The following PRKN variants were observed in gnomAD, a reference collection of about 807,000 sequenced individuals.
The protein encoded by PRKN is E3 ubiquitin-protein ligase parkin.
Under a neutral mutation model 59.5 loss-of-function variants are expected in PRKN, and 56 were observed. The observed-to-expected ratio is 0.94, with a 90% CI of 0.76 to 1.18. PRKN has a LOEUF of 1.18. PRKN is among the 50% of genes most tolerant of loss of function. The probability of loss-of-function intolerance (pLI) is 0.00; values close to 1 mark genes in which losing one functional copy is unlikely to be tolerated. For synonymous variants in PRKN, 250 were observed against 222.1 expected (o/e 1.13, Z -1.12); for missense variants, 657 against 596.4 (o/e 1.10, Z -1.06).
intron 1 of PRKN, among the ~76,000 whole-genome samples, chr6:162,555,638 A>AC (rs1368578155): frequency 1.3e-5 from 2 of 151,836 alleles, no homozygotes; most frequent in Non-Finnish European, 2.9e-5. Context: ...AAAAATACAA[A>AC]AAAAAAATTT....
chr6:162,154,648 A>T (rs1562545696), intron 4 of PRKN, among the ~76,000 whole-genome samples: 1 of 152,320 alleles, frequency 6.6e-6, no homozygotes, highest in East Asian at 1.9e-4. Context: ...ACTAGTCACT[A>T]CCATTAAATT....
At chr6:162,533,895 C>A (rs1368586326) in intron 1 of PRKN, among the ~76,000 whole-genome samples, 1 of 148,768 alleles carries the variant, frequency 6.7e-6, no homozygotes, top group Admixed American at 6.8e-5. Context: ...CACTTGAACC[C>A]AGGAGGCAGA....
rs1562459087 is a variant in PRKN, at chr6:162,011,453, TAATA to T, written c.619-38040_619-38037del. On this transcript the variant is annotated intron_variant, in intron 5 of 11. Transcript: ENST00000366898. ...ATATATGTTATATATTTATAATATATAATATATATATTATAATATATAATATATT... is the reference window on the plus strand; with the variant it reads ...ATATATGTTATATATTTATAATATATTATATATTATAATATATAATATATT... 2.9e-4 allele frequency among the ~76,000 whole-genome samples: 6 copies of T among 20,930 alleles called. 2 individuals carry two copies. In the African/African-American group the frequency reaches 3.9e-3, roughly 14 times the overall value. The allele number at this position is 20,930 out of a possible 152,430, so 13.7% of individuals were successfully genotyped here.
At chr6:161,931,638 G>T (rs1475303182) in intron 6 of PRKN, among the ~76,000 whole-genome samples, 1 of 152,160 alleles carries the variant, frequency 6.6e-6, no homozygotes, top group Non-Finnish European at 1.5e-5. Context: ...TCCTGAGAAA[G>T]ACAGGGGCAC....
Position 162,216,747 on chromosome 6 carries a change from C to T in PRKN, c.413-15495G>A, listed in dbSNP as rs184764431. Among the ~76,000 whole-genome samples, 14 of 152,082 alleles carry T rather than the reference C, an allele frequency of 9.2e-5. 3 individuals are homozygous for T. In the South Asian group the frequency reaches 1.2e-3, roughly 14 times the overall value. ...GGACACTTTGATGAACAGCCACTCA[C>T]GGACACAGTGAGCCCATCATGAGAT... On this transcript the variant is annotated intron_variant, in intron 3 of 11. Coordinates refer to ENST00000366898, the MANE Select transcript of PRKN (RefSeq NM_004562.3).
chr6:161,529,142 T>C lies in PRKN; in HGVS notation c.1083+19712A>G, dbSNP rs191031411. On this transcript the variant is annotated intron_variant, in intron 9 of 11. Coordinates refer to ENST00000366898, the MANE Select transcript of PRKN (RefSeq NM_004562.3). The surrounding 1 kb of genome is among the most constrained non-coding windows in gnomAD (Gnocchi z 4.4). The stretch of plus-strand genomic sequence containing the variant: ...CTCTACGCTGCGTTCCTCTCCCTAG[T>C]CACCGCATGCCTTCCTGTTCCAGTG... Among the ~76,000 whole-genome samples, 286 of 152,336 alleles carry C rather than the reference T, an allele frequency of 1.9e-3. 2 individuals are homozygous for C. Among genetic ancestry groups the C allele is most frequent in the Non-Finnish European group, 5.6e-4 (38 of 68,026 alleles).
chr6:161,500,955 A>C (rs1489113857), intron 9 of PRKN, among the ~76,000 whole-genome samples: 3 of 144,062 alleles, frequency 2.1e-5, no homozygotes, highest in East Asian at 2.0e-4. Flanking sequence ...GGCTCACTGC[A>C]ACCTCCGCCT....
intron 7 of PRKN, among the ~76,000 whole-genome samples, chr6:161,682,673 C>A (rs560571823): frequency 6.6e-6 from 1 of 152,276 alleles, no homozygotes; most frequent in South Asian, 2.1e-4. Flanking sequence ...TCTCTTTTGT[C>A]TTCTGTGGTT....
intron 2 of PRKN, among the ~76,000 whole-genome samples, chr6:162,391,443 C>A (rs1317017657): frequency 1.3e-5 from 2 of 150,752 alleles, no homozygotes. Flanking sequence ...TTTCTTACTG[C>A]GCATGCTTGA....
chr6:161,600,891 C>A (rs1782080744), intron 7 of PRKN, among the ~76,000 whole-genome samples: 1 of 152,100 alleles, frequency 6.6e-6, no homozygotes, highest in African/African-American at 2.4e-5. Context: ...CTATTCAAAA[C>A]CACTATTACC....
At chr6:161,420,324 T>C (rs1392339770) in intron 9 of PRKN, among the ~76,000 whole-genome samples, 1 of 151,832 alleles carries the variant, frequency 6.6e-6, no homozygotes, top group Non-Finnish European at 1.5e-5. Flanking sequence ...CAATAAAGCA[T>C]TCTTTTCTGA....
At position 161,480,617 on chromosome 6, in the gene PRKN, C is replaced by T. The variant is rs914958139; in HGVS notation, c.1083+68237G>A. ...GAGCCAAGTACACTATTACAGGAAG[C>T]AGACAAGACTCAGGAAATATCGTCT... On this transcript the variant is annotated intron_variant, in intron 9 of 11. Coordinates refer to ENST00000366898, the MANE Select transcript of PRKN (RefSeq NM_004562.3). The surrounding 1 kb of genome is among the most constrained non-coding windows in gnomAD (Gnocchi z 4.1). Among the ~76,000 whole-genome samples the T allele has an allele frequency of 6.6e-6, 1 of 152,142 alleles. No individual in the cohort carries two copies. The highest frequency in any genetic ancestry group is 2.4e-5 in the African/African-American group (1 of 41,408).
intron 1 of PRKN, among the ~76,000 whole-genome samples, chr6:162,595,324 T>C (rs1412790117): frequency 2.0e-5 from 3 of 151,862 alleles, no homozygotes; most frequent in Non-Finnish European, 4.4e-5. Flanking sequence ...GGTGCAATCT[T>C]GGCTCACTGC....
At position 161,865,853 on chromosome 6, in the gene PRKN, A is replaced by G. The variant is rs548835363; in HGVS notation, c.735-79945T>C. On this transcript the variant is annotated intron_variant, in intron 6 of 11. Coordinates refer to ENST00000366898, the MANE Select transcript of PRKN (RefSeq NM_004562.3). ...TGGAGTAGCACTTTTAATTTCCTTC[A>G]AGAGCTTTCACTTTGCATTCACAAC... Among the ~76,000 whole-genome samples the G allele has an allele frequency of 3.3e-5, 5 of 152,270 alleles. No homozygotes were observed. The South Asian group carries it at 1.0e-3, about 32-fold the overall frequency.
At chr6:161,595,263 T>C (rs2128141817) in intron 7 of PRKN, among the ~76,000 whole-genome samples, 1 of 152,244 alleles carries the variant, frequency 6.6e-6, no homozygotes, top group Middle Eastern at 3.4e-3. Flanking sequence ...GAAGTTTTTC[T>C]GGTAATCTCT....
intron 4 of PRKN, among the ~76,000 whole-genome samples, chr6:162,135,614 A>T (rs1781533689): frequency 6.6e-6 from 1 of 152,184 alleles, no homozygotes. Flanking sequence ...TGCTGAGGCC[A>T]TCTGTCTCCT....
At chr6:162,546,150 C>T (rs1779110340) in intron 1 of PRKN, among the ~76,000 whole-genome samples, 2 of 133,830 alleles carry the variant, frequency 1.5e-5, no homozygotes, top group South Asian at 2.4e-4. Context: ...GTTGCTCAGG[C>T]TGGAGTGCAG....
chr6:162,237,204 A>C (rs1778771089), intron 3 of PRKN, among the ~76,000 whole-genome samples: 1 of 152,174 alleles, frequency 6.6e-6, no homozygotes. Flanking sequence ...CTCCTTTATG[A>C]CTTGGAAAGA....
chr6:162,346,774 A>C (rs1251096365), intron 2 of PRKN, among the ~76,000 whole-genome samples: 1 of 152,190 alleles, frequency 6.6e-6, no homozygotes, highest in African/African-American at 2.4e-5. Context: ...GGTAAATTAC[A>C]TTATTGATTA....
Sources: gnomAD v4.1 joint callset for allele counts (sites outside exome capture counted in the v4.1 genomes callset) on GRCh38, gnomAD v4.1.1 for gene constraint, Gnocchi (gnomAD v3.1) non-coding constraint, MANE v1.5 for transcripts, NCBI Gene and HGNC (gene_info 2026-07-23, HGNC 2026-07-21) for gene names.